Variants in CDK12 observed in about 807,000 individuals in gnomAD.
The protein encoded by CDK12 is cyclin-dependent kinase 12.
A neutral mutation model predicts 133.8 loss-of-function variants in CDK12; 17 were observed. The ratio of observed to expected loss-of-function variants is 0.13; its 90% CI spans 0.09 to 0.19. The LOEUF (loss-of-function observed/expected upper bound fraction) is 0.19. CDK12 is among the 10% of genes least tolerant of loss of function. The pLI is 1.00. For missense variants in CDK12, 1,508 were observed against 1,818.7 expected (o/e 0.83, Z 3.11); for synonymous variants, 694 against 683.6 (o/e 1.02, Z -0.24).
At chr17:39,480,605 T>C (rs1256934723) in intron 2 of CDK12, among the ~76,000 whole-genome samples, 1 of 151,960 alleles carries the variant, frequency 6.6e-6, no homozygotes, top group Non-Finnish European at 1.5e-5. Flanking sequence ...GTATGTGTAG[T>C]AGAGAGAGGG....
chr17:39,490,523 G>T, intron 2 of CDK12, 34 bp from the exon 3 acceptor site: 1 of 1,475,424 alleles, frequency 6.8e-7, no homozygotes, highest in East Asian at 2.3e-5. Context: ...ATCTTTAATT[G>T]TAATTTTGTC....
chr17:39,469,955 C>T (rs1022517550), intron 1 of CDK12, among the ~76,000 whole-genome samples: 14 of 151,928 alleles, frequency 9.2e-5, no homozygotes, highest in East Asian at 1.9e-4. Context: ...CTGCCTTATC[C>T]TGTTTTCACT....
chr17:39,539,045 G>A (rs535512136), downstream of CDK12, among the ~76,000 whole-genome samples: 13 of 152,220 alleles, frequency 8.5e-5, no homozygotes, highest in Non-Finnish European at 1.6e-4. Context: ...ACTAGAGGAA[G>A]TAAAGAGTCA....
upstream of CDK12, among the ~76,000 whole-genome samples, chr17:39,546,940 A>AT (rs2055737182): frequency 1.3e-5 from 2 of 152,088 alleles, no homozygotes; most frequent in African/African-American, 4.8e-5. Context: ...TCAAATGTCC[A>AT]TCCCTTTTTC....
intron 7 of CDK12, 103 bp downstream of exon 7, chr17:39,509,864 G>C: frequency 1.2e-6 from 1 of 853,208 alleles, no homozygotes; most frequent in East Asian, 2.4e-5. Flanking sequence ...TGCGTGGCTT[G>C]ATCTCAGCTC....
chr17:39,557,343 T>G (rs534233853), intron 3 of CDK12, among the ~76,000 whole-genome samples: 1 of 152,328 alleles, frequency 6.6e-6, no homozygotes, highest in South Asian at 2.1e-4. Flanking sequence ...GTTATGCTGC[T>G]GCTTTTTACT....
At position 39,466,615 on chromosome 17, in the gene CDK12, G is replaced by GAAAAAAAAAAA. The variant is rs71147339; in HGVS notation, c.1046+3528_1046+3538dup. Among the ~76,000 whole-genome samples, 4 of 31,480 alleles carry GAAAAAAAAAAA rather than the reference G, an allele frequency of 1.3e-4. 1 individual carries two copies. The highest frequency in any genetic ancestry group is 2.4e-4 in the Non-Finnish European group (4 of 16,766). The allele number at this position is 31,480 out of a possible 152,430, so 20.7% of individuals were successfully genotyped here. A position where few individuals can be genotyped will look rare whatever the true frequency, so the allele number is the denominator to read the frequency against. On this transcript the variant is annotated intron_variant, in intron 1 of 13. Transcript: ENST00000447079. ...GGGCAACAAGAGTGAAACTCTATCTGAAAAAAAAAAAAAAAAAAAAAAAAA... is the reference window on the plus strand; with the variant it reads ...GGGCAACAAGAGTGAAACTCTATCTGAAAAAAAAAAAAAAAAAAAAAAAAAAAAAAAAAAAA...
chr17:39,544,073 A>C (rs946567711), upstream of CDK12: 4 of 392,430 alleles, frequency 1.0e-5, no homozygotes, highest in Non-Finnish European at 2.1e-5. Context: ...CTGGGAGTGT[A>C]CTAAGGTTAG....
chr17:39,464,310 TC>T (rs1358261115), intron 1 of CDK12, among the ~76,000 whole-genome samples: 1 of 151,980 alleles, frequency 6.6e-6, no homozygotes, highest in Non-Finnish European at 1.5e-5. Context: ...AGCCTTGACT[TC>T]CCAGGCTCAA....
chr17:39,506,812 A>G (rs956634927), intron 6 of CDK12, among the ~76,000 whole-genome samples: 1 of 152,210 alleles, frequency 6.6e-6, no homozygotes, highest in Non-Finnish European at 1.5e-5. Flanking sequence ...AGATATTTCT[A>G]TATTCACCTT....
intron 3 of CDK12, among the ~76,000 whole-genome samples, chr17:39,564,354 G>C (rs958643094): frequency 6.6e-6 from 1 of 152,170 alleles, no homozygotes; most frequent in Non-Finnish European, 1.5e-5. Context: ...GGCCAGGATT[G>C]TTTCTGGGTT....
intron 5 of CDK12, 109 bp downstream of exon 5, chr17:39,494,803 T>G: frequency 1.2e-6 from 1 of 828,874 alleles, no homozygotes; most frequent in Non-Finnish European, 1.8e-6. Flanking sequence ...GGAGTCTTGC[T>G]CTGTTGCCCA....
intron 2 of CDK12, among the ~76,000 whole-genome samples, chr17:39,553,429 C>G (rs1306764137): frequency 6.6e-6 from 1 of 151,980 alleles, no homozygotes; most frequent in Non-Finnish European, 1.5e-5. Flanking sequence ...GAGAGGAAGC[C>G]AGGAGGAGAT....
At chr17:39,554,889 G>A (rs1427278592) in intron 2 of CDK12, among the ~76,000 whole-genome samples, 56 of 86,098 alleles carry the variant, frequency 6.5e-4, no homozygotes, top group Non-Finnish European at 1.1e-3. Context: ...GCGAGACTCC[G>A]TCTCAAAAAA....
At chr17:39,493,151 A>C (rs1190081836) in intron 4 of CDK12, among the ~76,000 whole-genome samples, 14 of 136,936 alleles carry the variant, frequency 1.0e-4, no homozygotes, top group African/African-American at 3.0e-4. Flanking sequence ...GCGCAACCAC[A>C]CTCGACTAAT....
intron 2 of CDK12, among the ~76,000 whole-genome samples, chr17:39,474,941 C>G (rs1408619281): frequency 1.3e-5 from 2 of 151,644 alleles, no homozygotes; most frequent in African/African-American, 4.8e-5. Context: ...TCAAGTGATT[C>G]TCATGCCTCA....
At chr17:39,497,755 C>T (rs970364910) in intron 5 of CDK12, among the ~76,000 whole-genome samples, 3 of 152,012 alleles carry the variant, frequency 2.0e-5, no homozygotes, top group Middle Eastern at 3.4e-3. Flanking sequence ...AGGCATGCAC[C>T]ACCACATCCA....
At chr17:39,502,696 G>A (rs935644512) in intron 6 of CDK12, among the ~76,000 whole-genome samples, 6 of 152,118 alleles carry the variant, frequency 3.9e-5, no homozygotes, top group African/African-American at 1.2e-4. Context: ...CTTTGAATTT[G>A]AGAGTATCTG....
chr17:39,494,494 G>A (rs1465596513), intron 4 of CDK12, 30 bp from the exon 5 acceptor site: 1 of 1,607,220 alleles, frequency 6.2e-7, no homozygotes, highest in South Asian at 1.1e-5. Context: ...AATGCTCATT[G>A]ATAATAACAG....
Sources: gnomAD v4.1 joint callset for allele counts (sites outside exome capture counted in the v4.1 genomes callset) on GRCh38, gnomAD v4.1.1 for gene constraint, MANE v1.5 for transcripts, NCBI Gene and HGNC (gene_info 2026-07-23, HGNC 2026-07-21) for gene names.